Variants in FCRL4 observed in about 807,000 individuals in gnomAD.
FCRL4 encodes Fc receptor like 4.
A neutral mutation model predicts 64.1 loss-of-function variants in FCRL4; 43 were observed. That is an observed-to-expected ratio of 0.67 (90% confidence interval 0.53 to 0.87). The LOEUF is 0.87. FCRL4 is among the 40% of genes least tolerant of loss of function. The probability of loss-of-function intolerance (pLI) is 0.00; values close to 1 mark genes in which losing one functional copy is unlikely to be tolerated. For missense variants in FCRL4, 656 were observed against 613.5 expected (o/e 1.07, Z -0.73); for synonymous variants, 253 against 239.8 (o/e 1.05, Z -0.51).
In FCRL4 at chr1:157,589,280, A is replaced by G; in HGVS notation, c.231T>C (p.Val77=). Residue 77 remains valine, a synonymous_variant, in exon 3 of 12, where the codon GTT becomes GTC. Transcript: ENST00000271532. ...LTLTPGNTLE[V]RESGLYRCQA... is the part of the protein sequence containing the mutation. ...GGCATCTGTACAGTCCAGATTCCCGAACCTCGAGGGTGTTTCCTGGGGTCA... is the reference window on the plus strand; with the variant it reads ...GGCATCTGTACAGTCCAGATTCCCGGACCTCGAGGGTGTTTCCTGGGGTCA... The G allele has an allele frequency of 6.2e-7, 1 of 1,614,160 alleles. No individual in the cohort carries two copies. Among genetic ancestry groups the G allele is most frequent in the Admixed American group, 1.7e-5 (1 of 60,022 alleles).
chr1:157,578,359 T>C, intron 10 of FCRL4, 115 bp downstream of exon 10: 1 of 863,252 alleles, frequency 1.2e-6, no homozygotes, highest in Admixed American at 2.0e-5. Flanking sequence ...TCTGCCTTGT[T>C]TACTGATTGA....
chr1:157,592,503 C>T (rs1179707008), intron 2 of FCRL4, among the ~76,000 whole-genome samples: 3 of 152,152 alleles, frequency 2.0e-5, no homozygotes, highest in Non-Finnish European at 4.4e-5. Context: ...CATCACTGGC[C>T]ATCAGAGAAA....
rs540326299 is a variant in FCRL4, at chr1:157,575,487, T to A, written c.*37A>T. 6.6e-7 allele frequency: 1 copy of A among 1,518,748 alleles called. No individual in the cohort carries two copies. Among genetic ancestry groups the A allele is most frequent in the East Asian group, 2.3e-5 (1 of 44,164 alleles). The allele number at this position is 1,518,748 out of a possible 1,614,324, so 94.1% of individuals were successfully genotyped here. On this transcript the variant is annotated 3_prime_UTR_variant, in exon 12 of 12. Transcript: ENST00000271532. ...CCTGGGACTTTGGACAAGGGAGAAA[T>A]CACATGAGTAGGACGTTCTCGTAAC...
At chr1:157,585,569 T>G (rs1364186017) in intron 6 of FCRL4, among the ~76,000 whole-genome samples, 1 of 152,014 alleles carries the variant, frequency 6.6e-6, no homozygotes, top group African/African-American at 2.4e-5. Flanking sequence ...AAGAGATGTA[T>G]ATGAGCTAAA....
Position 157,589,434 on chromosome 1 carries a change from G to C in FCRL4, c.77C>G (p.Ser26Cys). The C allele has an allele frequency of 1.9e-5, 30 of 1,614,130 alleles. No homozygotes were observed. The highest frequency in any genetic ancestry group is 2.5e-5 in the Non-Finnish European group (30 of 1,179,960). ...GAATGTGGTCCATGGAGGATGGACG[G>C]AAATCACAGGTTTGTGTGCAGCTGC... Reference protein sequence around the residue: ...QSAAAHKPVISVHPPWTTFFK... With the variant: ...QSAAAHKPVICVHPPWTTFFK... The change falls in exon 3 of 12, where the codon TCC (serine) becomes TGC (cysteine). Residue 26 changes from serine (S) to cysteine (C), a missense_variant. Transcript: ENST00000271532.
intron 2 of FCRL4, among the ~76,000 whole-genome samples, chr1:157,594,172 T>C (rs1461087397): frequency 1.3e-5 from 2 of 152,196 alleles, no homozygotes; most frequent in Non-Finnish European, 2.9e-5. Flanking sequence ...CCAATGCTCT[T>C]CTCTCTAACC....
rs1460100392 is a variant in FCRL4, at chr1:157,592,118, G to A, written c.53-2660C>T. Among the ~76,000 whole-genome samples the A allele has an allele frequency of 3.3e-5, 5 of 152,244 alleles. No individual in the cohort carries two copies. The East Asian group carries it at 9.7e-4, about 29-fold the overall frequency. ...CTCAAGATGGATTAAAGACTTAAAT[G>A]GAAGACCTAAAAACCATAAAAACTC... On this transcript the variant is annotated intron_variant, in intron 2 of 11. Coordinates refer to ENST00000271532, the MANE Select transcript of FCRL4 (RefSeq NM_031282.3).
chr1:157,589,461 G>A lies in FCRL4; in HGVS notation c.53-3C>T, dbSNP rs1652786107. The A allele has an allele frequency of 6.2e-7, 1 of 1,613,344 alleles. No individual in the cohort carries two copies. The highest frequency in any genetic ancestry group is 1.7e-5 in the Admixed American group (1 of 59,994). The stretch of plus-strand genomic sequence containing the variant: ...AATCACAGGTTTGTGTGCAGCTGCT[G>A]AGGAGGAAAGAGTAATAGGTCTGAG... On this transcript the variant is annotated splice_polypyrimidine_tract_variant and splice_region_variant and intron_variant, in intron 2 of 11. Transcript: ENST00000271532.
At position 157,586,288 on chromosome 1, in the gene FCRL4, A is replaced by G; in HGVS notation, c.1015T>C (p.Ser339Pro). 1 of 1,613,678 alleles carries G rather than the reference A, an allele frequency of 6.2e-7. No individual in the cohort carries two copies. The highest frequency in any genetic ancestry group is 8.5e-7 in the Non-Finnish European group (1 of 1,179,938). The part of the protein sequence containing the change: ...QESLGRKTQR[S>P]LRAELELPAI... ...GGGAGCTCCAGCTCTGCTCTCAGGG[A>G]ACGCTGAGTTTTCCTCCCCAGACTC... is the stretch of plus-strand genomic sequence containing the variant. Residue 339 changes from serine (S) to proline (P), a missense_variant, in exon 6 of 12, where the codon TCC (serine) becomes CCC (proline). Physicochemically the swap from Ser to Pro is moderately conservative, Grantham distance 74 (BLOSUM62 -1). Coordinates refer to ENST00000271532, the MANE Select transcript of FCRL4 (RefSeq NM_031282.3).
chr1:157,595,248 A>C (rs1652934541), intron 2 of FCRL4, among the ~76,000 whole-genome samples: 1 of 152,254 alleles, frequency 6.6e-6, no homozygotes, highest in African/African-American at 2.4e-5. Flanking sequence ...AGGTTTGGAC[A>C]GAATACTCTA....
chr1:157,574,434 A>G lies in FCRL4; in HGVS notation c.*1090T>C, dbSNP rs1652356175. 4.7e-6 allele frequency: 1 copy of G among 213,924 alleles called. No homozygotes were observed. Among genetic ancestry groups the G allele is most frequent in the African/African-American group, 2.3e-5 (1 of 44,298 alleles). The allele number at this position is 213,924 out of a possible 1,614,324, so 13.3% of individuals were successfully genotyped here. ...GGTGGTATTGTACACTTCCATCAGG[A>G]GACCTCTAATATTTGGCTGCTGGTT... On this transcript the variant is annotated 3_prime_UTR_variant, in exon 12 of 12. Transcript: ENST00000271532.
chr1:157,589,364 G>A lies in FCRL4; in HGVS notation c.147C>T (p.Phe49=), dbSNP rs1485821350. The A allele has an allele frequency of 6.2e-7, 1 of 1,614,036 alleles. No homozygotes were observed. The highest frequency in any genetic ancestry group is 1.3e-5 in the African/African-American group (1 of 74,920). ...RVTLTCNGFQ[F]YATEKTTWYH... ...ACCATGTTGTTTTCTCTGTTGCATA[G>A]AACTGAAATCCATTGCAAGTCAGAG... The change falls in exon 3 of 12, where the codon TTC becomes TTT. Residue 49 remains phenylalanine (F), a synonymous_variant. Transcript: ENST00000271532.
intron 6 of FCRL4, among the ~76,000 whole-genome samples, chr1:157,582,145 GA>G (rs1652574699): frequency 6.6e-6 from 1 of 152,206 alleles, no homozygotes; most frequent in African/African-American, 2.4e-5. Context: ...TGTGTGCTCT[GA>G]AGGGCAGGAG....
chr1:157,590,446 A>T (rs2101685423), intron 2 of FCRL4, among the ~76,000 whole-genome samples: 2 of 150,370 alleles, frequency 1.3e-5, no homozygotes, highest in Admixed American at 1.3e-4. Context: ...TGCCTCCTTG[A>T]GCCATTTTTT....
At chr1:157,581,086 G>T (rs1192575548) in intron 7 of FCRL4, among the ~76,000 whole-genome samples, 1 of 144,804 alleles carries the variant, frequency 6.9e-6, no homozygotes, top group Admixed American at 7.2e-5. Context: ...ACCCAGAAAA[G>T]CCCCTGAGGG....
In FCRL4 at chr1:157,581,610, C is replaced by A. The variant is rs747163553; in HGVS notation, c.1170G>T (p.Ala390=). The A allele has an allele frequency of 4.2e-5, 67 of 1,614,050 alleles. No homozygotes were observed. In the East Asian group the frequency reaches 1.3e-3, roughly 31 times the overall value. ...TPGNRDGLVA[A]GATGGLLSAL... ...CACTGAGCAGCCCTCCAGTGGCTCC[C>A]GCGGCGACAAGGCCATCTCTGTTGC... Residue 390 remains alanine, a synonymous_variant, in exon 7 of 12, where the codon GCG becomes GCT. Transcript: ENST00000271532.
chr1:157,574,913 C>A lies in FCRL4; in HGVS notation c.*611G>T. 4.7e-6 allele frequency: 1 copy of A among 213,600 alleles called. No individual in the cohort carries two copies. The allele number at this position is 213,600 out of a possible 1,614,324, so 13.2% of individuals were successfully genotyped here. On this transcript the variant is annotated 3_prime_UTR_variant, in exon 12 of 12. Transcript: ENST00000271532. ...TTTTGGAAGCGCAGCCTAGAGCTTG[C>A]ATCTCCAGCTCTTCTGATGTCCTCT...
Position 157,596,353 on chromosome 1 carries a change from AAG to A in FCRL4, c.32-7_32-6del, listed in dbSNP as rs770434600. ...CAGATTGTCCACAGACTGGAGCTGAAAGAGAGTAAAGAGCCAGCCATCAGCGT... is the reference window on the plus strand; with the variant it reads ...CAGATTGTCCACAGACTGGAGCTGAAAGAGTAAAGAGCCAGCCATCAGCGT... On this transcript the variant is annotated splice_region_variant and splice_polypyrimidine_tract_variant and intron_variant, in intron 1 of 11. Transcript: ENST00000271532. 10 of 1,613,948 alleles carry A rather than the reference AAG, an allele frequency of 6.2e-6. No individual in the cohort carries two copies. Among genetic ancestry groups the A allele is most frequent in the East Asian group, 2.2e-5 (1 of 44,876 alleles).
intron 2 of FCRL4, among the ~76,000 whole-genome samples, chr1:157,595,702 G>T (rs766725140): frequency 7.2e-5 from 11 of 152,214 alleles, no homozygotes; most frequent in Non-Finnish European, 1.3e-4. Flanking sequence ...GCAGAGTTAG[G>T]AGCTGCAAGA....
Sources: allele counts gnomAD v4.1 joint callset (sites outside exome capture counted in the v4.1 genomes callset), GRCh38; gene constraint gnomAD v4.1.1; transcripts MANE v1.5; gene names NCBI Gene and HGNC (gene_info 2026-07-23, HGNC 2026-07-21).